CDC123: variants seen among roughly 807,000 people sequenced by gnomAD.
CDC123 encodes cell division cycle 123, also known as translation initiation factor eIF2 assembly protein.
In CDC123, 37 loss-of-function variants were observed where a neutral mutation model predicts 54.4. That is an observed-to-expected ratio of 0.68 (90% CI 0.52 to 0.89). The LOEUF is 0.89. Ranked by LOEUF, CDC123 falls within the 40% of genes least tolerant of loss-of-function variation. The pLI is 0.00. For missense variants in CDC123, 361 were observed against 412.1 expected (o/e 0.88, Z 1.07); for synonymous variants, 144 against 136.8 (o/e 1.05, Z -0.37).
chr10:12,246,366 G>A, intron 11 of CDC123, 89 bp downstream of exon 11: 1 of 1,450,074 alleles, frequency 6.9e-7, no homozygotes, highest in Non-Finnish European at 9.5e-7. Flanking sequence ...AGGCGGCAAT[G>A]GCCAGGACCC....
chr10:12,196,361 AACTGCG>A (rs1267834007), intron 1 of CDC123, 42 bp downstream of exon 1: 7 of 1,613,106 alleles, frequency 4.3e-6, no homozygotes, highest in South Asian at 1.1e-5. Flanking sequence ...GGCAAAAGGG[AACTGCG>A]ACTTCTGAGC....
chr10:12,228,144 A>T (rs986961136), intron 6 of CDC123, among the ~76,000 whole-genome samples: 7 of 152,002 alleles, frequency 4.6e-5, no homozygotes, highest in African/African-American at 1.7e-4. Flanking sequence ...TTTGTTGCCC[A>T]GGCTGGTCTC....
At chr10:12,208,942 C>G (rs143859174) in intron 2 of CDC123, among the ~76,000 whole-genome samples, 2 of 152,262 alleles carry the variant, frequency 1.3e-5, no homozygotes, top group South Asian at 2.1e-4. Context: ...GACACCAGCC[C>G]GCACACCCTG....
rs145544440 is a variant in CDC123 at position 12,210,552 on chromosome 10, G to A, written c.237+230G>A. 1.8e-3 allele frequency among the ~76,000 whole-genome samples: 269 copies of A among 152,222 alleles called. 1 individual carries two copies. Among genetic ancestry groups the A allele is most frequent in the African/African-American group, 6.2e-3 (257 of 41,528 alleles). On this transcript the variant is annotated intron_variant, in intron 4 of 12. Transcript: ENST00000281141. ...ATTGCAAAGGAAATATTTCGAGTGC[G>A]TATTTGATGCCTTGACTTCTGTTAA...
chr10:12,226,346 G>T (rs966226390), intron 6 of CDC123, among the ~76,000 whole-genome samples: 3 of 150,056 alleles, frequency 2.0e-5, no homozygotes, highest in Admixed American at 6.6e-5. Flanking sequence ...GCGGCTGGCC[G>T]GGCGGGGGCT....
intron 6 of CDC123, 61 bp from the exon 7 acceptor site, chr10:12,230,887 G>A: frequency 1.4e-6 from 2 of 1,441,270 alleles, no homozygotes; most frequent in South Asian, 2.4e-5. Flanking sequence ...TATGTTAAGT[G>A]TGTGCATAAA....
chr10:12,213,068 A>G (rs1835623709), intron 4 of CDC123, among the ~76,000 whole-genome samples: 1 of 152,222 alleles, frequency 6.6e-6, no homozygotes, highest in Non-Finnish European at 1.5e-5. Flanking sequence ...GGAATGATGG[A>G]ATTAGGAATT....
chr10:12,199,716 A>G (rs1835413438), intron 2 of CDC123, among the ~76,000 whole-genome samples: 1 of 152,236 alleles, frequency 6.6e-6, no homozygotes, highest in South Asian at 2.1e-4. Context: ...AATAACCTGA[A>G]AATTATTAAT....
At chr10:12,241,130 T>C (rs373963266) in intron 10 of CDC123, among the ~76,000 whole-genome samples, 7 of 150,846 alleles carry the variant, frequency 4.6e-5, no homozygotes, top group African/African-American at 1.7e-4. Flanking sequence ...AGAGAAATGA[T>C]GTTTCAGTAT....
intron 6 of CDC123, among the ~76,000 whole-genome samples, chr10:12,219,894 T>G (rs1447698690): frequency 6.6e-6 from 1 of 152,198 alleles, no homozygotes; most frequent in Non-Finnish European, 1.5e-5. Context: ...TTCACCACGT[T>G]AGCCAGGATG....
rs373503217 is a variant in CDC123 at position 12,224,125 on chromosome 10, G to A, written c.440+6658G>A. On this transcript the variant is annotated intron_variant, in intron 6 of 12. Coordinates refer to ENST00000281141, the MANE Select transcript of CDC123 (RefSeq NM_006023.3). ...GAGAACATACGATGTTTGGTTTTCCGTTCCTGCGTTACTTCACTTGGAATA... is the reference window on the plus strand; with the variant it reads ...GAGAACATACGATGTTTGGTTTTCCATTCCTGCGTTACTTCACTTGGAATA... 6.0e-5 allele frequency among the ~76,000 whole-genome samples: 9 copies of A among 150,442 alleles called. No individual in the cohort carries two copies. The East Asian group carries it at 7.8e-4, about 13-fold the overall frequency.
At chr10:12,226,085 TATAG>T (rs1017803957) in intron 6 of CDC123, among the ~76,000 whole-genome samples, 11 of 152,062 alleles carry the variant, frequency 7.2e-5, no homozygotes, top group Non-Finnish European at 1.5e-4. Flanking sequence ...GGGGTAAGGT[TATAG>T]ATTAACAGCA....
At chr10:12,221,611 G>A (rs1031696451) in intron 6 of CDC123, among the ~76,000 whole-genome samples, 4 of 152,216 alleles carry the variant, frequency 2.6e-5, no homozygotes, top group African/African-American at 7.2e-5. Context: ...GCAGCAGCCC[G>A]TGGGCCATGG....
At chr10:12,237,366 A>T in intron 9 of CDC123, 100 bp downstream of exon 9, 1 of 949,716 alleles carries the variant, frequency 1.1e-6, no homozygotes, top group Non-Finnish European at 1.4e-6. Context: ...GATTTGAAAT[A>T]CTGTATTGTA....
At chr10:12,219,692 T>TTTG (rs1192387670) in intron 6 of CDC123, among the ~76,000 whole-genome samples, 5 of 150,538 alleles carry the variant, frequency 3.3e-5, no homozygotes, top group South Asian at 4.2e-4. Flanking sequence ...TGATAATGGT[T>TTTG]TTTTTTTTTT....
intron 4 of CDC123, among the ~76,000 whole-genome samples, chr10:12,210,534 A>T (rs1835583639): frequency 6.6e-6 from 1 of 152,188 alleles, no homozygotes; most frequent in Non-Finnish European, 1.5e-5. Context: ...TTGATTGCAA[A>T]GGAAATATTT....
rs755554198 is a variant in CDC123 at position 12,238,479 on chromosome 10, C to T, written c.711C>T (p.Asp237=). Reference sequence around the variant, plus strand: ...CAGTTGTGTTCGATATATACAGAGACAGTAGGGTAAGTAAAAACTCTTTCT... The same window carrying T: ...CAGTTGTGTTCGATATATACAGAGATAGTAGGGTAAGTAAAAACTCTTTCT... ...DEDFVFDIYR[D]SRGKVWLIDF... The change falls in exon 10 of 13, where the codon GAC becomes GAT. Residue 237 remains aspartate (D), a synonymous_variant. Transcript: ENST00000281141. 1 of 1,608,020 alleles carries T rather than the reference C, an allele frequency of 6.2e-7. No individual in the cohort carries two copies. Among genetic ancestry groups the T allele is most frequent in the Admixed American group, 1.7e-5 (1 of 58,666 alleles).
intron 6 of CDC123, among the ~76,000 whole-genome samples, chr10:12,229,712 A>T (rs533411067): frequency 1.3e-5 from 2 of 152,212 alleles, no homozygotes; most frequent in African/African-American, 4.8e-5. Context: ...AACATTCCCA[A>T]TGCCTAGCCC....
At chr10:12,250,103 A>G (rs560245318) in intron 12 of CDC123, 13 of 492,858 alleles carry the variant, frequency 2.6e-5, no homozygotes, top group Non-Finnish European at 3.9e-5. Flanking sequence ...TTTTGTATGT[A>G]TGGAAGAAAG....
Sources: gnomAD v4.1 joint callset for allele counts (sites outside exome capture counted in the v4.1 genomes callset) on GRCh38, gnomAD v4.1.1 for gene constraint, MANE v1.5 for transcripts, NCBI Gene and HGNC (gene_info 2026-07-23, HGNC 2026-07-21) for gene names.